The following UROC1 variants were observed in gnomAD, a reference collection of about 807,000 sequenced individuals.
The protein encoded by UROC1 is urocanate hydratase 1.
A neutral mutation model predicts 89.5 loss-of-function variants in UROC1; 79 were observed. That is an observed-to-expected ratio of 0.88 (90% CI 0.74 to 1.06). The LOEUF is 1.06. UROC1 is among the 50% of genes least tolerant of loss of function. The pLI, the probability that UROC1 is intolerant of heterozygous loss-of-function variation, is 0.00. For missense variants in UROC1, 885 were observed against 907.8 expected (o/e 0.97, Z 0.32); for synonymous variants, 361 against 354.8 (o/e 1.02, Z -0.20).
chr3:126,509,522 C>T (rs1407233299), intron 3 of UROC1, 63 bp downstream of exon 3: 1 of 1,396,770 alleles, frequency 7.2e-7, no homozygotes, highest in Non-Finnish European at 9.9e-7. Context: ...AAAAGCATGA[C>T]ACGTGTGTCT....
At chr3:126,497,278 G>C (rs1426066261) in intron 14 of UROC1, among the ~76,000 whole-genome samples, 3 of 152,232 alleles carry the variant, frequency 2.0e-5, no homozygotes. Flanking sequence ...CCGACCTGCA[G>C]GAAAGCTGCA....
rs536275313 is a variant in UROC1, at chr3:126,507,774, C to T, written c.570G>A (p.Glu190=). 4 of 1,614,176 alleles carry T rather than the reference C, an allele frequency of 2.5e-6. No individual in the cohort carries two copies. Among genetic ancestry groups the T allele is most frequent in the East Asian group, 4.5e-5 (2 of 44,878 alleles). ...CCCCCAAGGCAAAGAGCTTCTCATA[C>T]TCCGTCCGGGAGGAGTAGTTGGGAA... The part of the protein sequence containing the change: ...MVIPNYSSRT[E]YEKLFALGVT... Residue 190 remains glutamate (E), a synonymous_variant, in exon 6 of 20, where the codon GAG becomes GAA. Transcript: ENST00000290868.
intron 16 of UROC1, among the ~76,000 whole-genome samples, chr3:126,490,839 G>A (rs887616041): frequency 2.6e-5 from 4 of 152,174 alleles, no homozygotes; most frequent in African/African-American, 4.8e-5. Context: ...GAGGGAGCAC[G>A]CAGGTCAGTA....
Position 126,504,128 on chromosome 3 carries a change from T to C in UROC1, c.814-45A>G, listed in dbSNP as rs769011377. On this transcript the variant is annotated intron_variant, in intron 8 of 19. Transcript: ENST00000290868. ...GGCCACGAGACATGGGGCCACCCGG[T>C]TACAAATCTTCCCTAAGTGTATCAT... 20 of 1,599,452 alleles carry C rather than the reference T, an allele frequency of 1.3e-5. No individual in the cohort carries two copies. In the South Asian group the frequency reaches 2.1e-4, roughly 17 times the overall value.
intron 13 of UROC1, 123 bp from the exon 14 acceptor site, chr3:126,498,295 G>T (rs1935831701): frequency 1.3e-6 from 2 of 1,545,324 alleles, no homozygotes; most frequent in Non-Finnish European, 1.8e-6. Flanking sequence ...CCCCTAAGCT[G>T]TCATTGGACA....
intron 18 of UROC1, among the ~76,000 whole-genome samples, chr3:126,484,154 A>T (rs1935458096): frequency 6.6e-6 from 1 of 151,946 alleles, no homozygotes; most frequent in Non-Finnish European, 1.5e-5. Context: ...TAATTAATGC[A>T]TTTCTCTCCT....
intron 12 of UROC1, 33 bp downstream of exon 12, chr3:126,500,024 C>G: frequency 1.1e-5 from 17 of 1,583,496 alleles, no homozygotes; most frequent in Non-Finnish European, 1.4e-5. Context: ...GGGTGGTGGC[C>G]CCTCCCTCCT....
At chr3:126,509,524 C>T (rs186023830) in intron 3 of UROC1, 61 bp downstream of exon 3, 23 of 1,398,140 alleles carry the variant, frequency 1.6e-5, no homozygotes, top group South Asian at 2.5e-5. Context: ...AAGCATGACA[C>T]GTGTGTCTCG....
chr3:126,507,597 A>G, intron 6 of UROC1, 145 bp downstream of exon 6: 1 of 850,706 alleles, frequency 1.2e-6, no homozygotes, highest in South Asian at 1.6e-5. Flanking sequence ...TAAAACTACT[A>G]GGGAATATGT....
At chr3:126,485,495 T>C (rs1401964919) in intron 18 of UROC1, among the ~76,000 whole-genome samples, 4 of 151,862 alleles carry the variant, frequency 2.6e-5, no homozygotes. Flanking sequence ...CTCAGAGAGG[T>C]CCTCGGGGCA....
Position 126,482,330 on chromosome 3 carries a change from C to T in UROC1, c.*15G>A, listed in dbSNP as rs377126679. 264 of 1,610,586 alleles carry T rather than the reference C, an allele frequency of 1.6e-4. No homozygotes were observed. The highest frequency in any genetic ancestry group is 3.8e-4 in the Middle Eastern group (2 of 5,222). ...CAGGGAGGAAGGGAGGCAGGGGCCG[C>T]GACTCCTGGCTCCCTCAGAGCTGCA... On this transcript the variant is annotated 3_prime_UTR_variant, in exon 20 of 20. Coordinates refer to ENST00000290868, the MANE Select transcript of UROC1 (RefSeq NM_144639.3).
chr3:126,485,430 G>A (rs1935491779), intron 18 of UROC1, among the ~76,000 whole-genome samples: 1 of 151,742 alleles, frequency 6.6e-6, no homozygotes. Context: ...CAGAAGGCGT[G>A]TGGGTGGGTG....
chr3:126,485,382 C>G (rs906905635), intron 18 of UROC1, among the ~76,000 whole-genome samples: 1 of 151,320 alleles, frequency 6.6e-6, no homozygotes, highest in African/African-American at 2.4e-5. Context: ...CATGGCACTC[C>G]AGGGCTGTCC....
chr3:126,495,498 G>A (rs192985568), intron 15 of UROC1, among the ~76,000 whole-genome samples: 27 of 152,296 alleles, frequency 1.8e-4, no homozygotes, highest in African/African-American at 5.3e-4. Flanking sequence ...GTTTGAGGCC[G>A]AGTCATATTC....
intron 11 of UROC1, 81 bp downstream of exon 11, chr3:126,500,614 G>T: frequency 6.3e-7 from 1 of 1,574,992 alleles, no homozygotes; most frequent in South Asian, 1.1e-5. Context: ...CTGGTTGCTG[G>T]AGAACTAGGT....
In UROC1 at chr3:126,483,448, C is replaced by T. The variant is rs760134412; in HGVS notation, c.1811G>A (p.Gly604Glu). 2 of 1,613,568 alleles carry T rather than the reference C, an allele frequency of 1.2e-6. No individual in the cohort carries two copies. The highest frequency in any genetic ancestry group is 1.3e-5 in the African/African-American group (1 of 74,954). ...GVGWGEVING[G>E]FGLVLDGTPE... is the part of the protein sequence containing the mutation. ...GGTACCGTCCAGCACGAGGCCGAAT[C>T]CCCCGTTGATCACCTCACCCCTGCA... The change falls in exon 19 of 20, where the codon GGA (glycine) becomes GAA (glutamate). Residue 604 changes from glycine (G) to glutamate (E), a missense_variant. By Grantham distance (98) the Gly-to-Glu change is moderately conservative (BLOSUM62 -2). Transcript: ENST00000290868.
Position 126,482,429 on chromosome 3 carries a change from G to C in UROC1, c.1947C>G (p.Thr649=), listed in dbSNP as rs751278041. ...NQKAYEIICQ[T]MQENSTLVVT... ...CCACCAAGGTGCTGTTCTCCTGCAT[G>C]GTCTGGCAGATGATCTCATAGGCCT... Residue 649 remains threonine, a synonymous_variant, in exon 20 of 20, where the codon ACC becomes ACG. Transcript: ENST00000290868. 6.2e-7 allele frequency: 1 copy of C among 1,614,040 alleles called. No individual in the cohort carries two copies. The highest frequency in any genetic ancestry group is 8.5e-7 in the Non-Finnish European group (1 of 1,180,008).
intron 3 of UROC1, 122 bp from the exon 4 acceptor site, chr3:126,508,597 G>A: frequency 1.3e-6 from 1 of 769,038 alleles, no homozygotes; most frequent in Non-Finnish European, 2.2e-6. Context: ...AAGCCAGAAG[G>A]GTGAGGCCCA....
intron 14 of UROC1, among the ~76,000 whole-genome samples, chr3:126,497,823 C>T (rs913102550): frequency 6.6e-6 from 1 of 152,242 alleles, no homozygotes; most frequent in Admixed American, 6.5e-5. Flanking sequence ...GGGCCTGTGC[C>T]TCCACGGCTG....
Sources: gnomAD v4.1 joint callset for allele counts (sites outside exome capture counted in the v4.1 genomes callset) on GRCh38, gnomAD v4.1.1 for gene constraint, MANE v1.5 for transcripts, NCBI Gene and HGNC (gene_info 2026-07-23, HGNC 2026-07-21) for gene names.